The following PCDH15 variants were observed in gnomAD, a reference collection of about 807,000 sequenced individuals.
PCDH15 encodes the protein protocadherin-15.
A neutral mutation model predicts 178.5 loss-of-function variants in PCDH15; 129 were observed. The ratio of observed to expected loss-of-function variants is 0.72; its 90% CI spans 0.63 to 0.84. PCDH15 has a LOEUF of 0.84. Ranked by LOEUF, PCDH15 falls within the 40% of genes least tolerant of loss-of-function variation. The pLI is 0.00. For synonymous variants in PCDH15, 800 were observed against 732.0 expected (o/e 1.09, Z -1.50); for missense variants, 2,230 against 2,099.9 (o/e 1.06, Z -1.21).
At chr10:55,019,438 A>T (rs1922152) in intron 2 of PCDH15, among the ~76,000 whole-genome samples, 86,472 of 151,904 alleles carry the variant, frequency 0.57, 24,952 homozygotes, top group East Asian at 0.75. Context: ...AAATGAGACA[A>T]GGACTACCCC....
intron 10 of PCDH15, among the ~76,000 whole-genome samples, chr10:54,201,620 G>A (rs2050236818): frequency 1.3e-5 from 2 of 151,990 alleles, no homozygotes; most frequent in South Asian, 2.1e-4. Context: ...ATGGAAGAAG[G>A]TCAAATATAT....
At chr10:54,808,053 C>T (rs113725926) in intron 3 of PCDH15, among the ~76,000 whole-genome samples, 88 of 151,734 alleles carry the variant, frequency 5.8e-4, no homozygotes, top group African/African-American at 2.1e-3. Context: ...CTTCTTATAC[C>T]AGACACAACA....
At chr10:54,450,035 G>A (rs955050461) in intron 3 of PCDH15, among the ~76,000 whole-genome samples, 1 of 151,320 alleles carries the variant, frequency 6.6e-6, no homozygotes, top group Non-Finnish European at 1.5e-5. Context: ...CAAATAGCGA[G>A]ATGTGGTGAT....
intron 2 of PCDH15, among the ~76,000 whole-genome samples, chr10:54,914,814 G>A (rs559566940): frequency 1.1e-4 from 16 of 152,262 alleles, no homozygotes; most frequent in African/African-American, 3.8e-4. Flanking sequence ...AGTGGTGTGT[G>A]GCTACAAAGA....
intron 21 of PCDH15, among the ~76,000 whole-genome samples, chr10:53,980,814 C>T (rs369695105): frequency 6.6e-5 from 10 of 152,236 alleles, no homozygotes; most frequent in Non-Finnish European, 7.4e-5. Context: ...CCAAACCTAA[C>T]GGCACTCAGG....
intron 21 of PCDH15, among the ~76,000 whole-genome samples, chr10:53,994,108 T>C (rs2091696059): frequency 6.6e-6 from 1 of 152,186 alleles, no homozygotes; most frequent in Non-Finnish European, 1.5e-5. Flanking sequence ...TTTATCTTCT[T>C]TATAGAACAG....
chr10:53,912,981 C>T (rs2083229403), intron 25 of PCDH15, among the ~76,000 whole-genome samples: 1 of 152,062 alleles, frequency 6.6e-6, no homozygotes, highest in Admixed American at 6.6e-5. Flanking sequence ...CCCACATATC[C>T]CAGACAATCC....
intron 25 of PCDH15, among the ~76,000 whole-genome samples, chr10:53,923,093 AC>A (rs2084148180): frequency 6.6e-6 from 1 of 152,112 alleles, no homozygotes; most frequent in Non-Finnish European, 1.5e-5. Flanking sequence ...TCTCAAAAAA[AC>A]AAAACAAAAC....
intron 2 of PCDH15, among the ~76,000 whole-genome samples, chr10:55,041,993 T>C (rs1433499896): frequency 2.6e-5 from 4 of 152,104 alleles, no homozygotes; most frequent in East Asian, 1.9e-4. Context: ...CACAGTGTAT[T>C]ACTATTCATG....
chr10:54,525,504 T>G (rs1297233364), intron 3 of PCDH15, among the ~76,000 whole-genome samples: 1 of 152,206 alleles, frequency 6.6e-6, no homozygotes, highest in Admixed American at 6.5e-5. Flanking sequence ...CATGCTTCAG[T>G]GCAGTGGAAT....
At chr10:55,308,626 ATATACT>A (rs1843493216) in intron 1 of PCDH15, among the ~76,000 whole-genome samples, 3 of 151,698 alleles carry the variant, frequency 2.0e-5, no homozygotes. Context: ...AGAACTTCAA[ATATACT>A]TATATCTTAG....
chr10:54,598,083 A>T (rs2092329550), intron 2 of PCDH15, among the ~76,000 whole-genome samples: 1 of 152,102 alleles, frequency 6.6e-6, no homozygotes, highest in Admixed American at 6.6e-5. Context: ...ATTCCTACTG[A>T]AACGGTTCCC....
chr10:54,852,643 G>C (rs1226599905), intron 3 of PCDH15, among the ~76,000 whole-genome samples: 1 of 151,788 alleles, frequency 6.6e-6, no homozygotes. Context: ...ATGAGGTCAG[G>C]AGTTCAAGAC....
chr10:54,146,907 G>GTGTATATATATAGTGTATATATATATAA (rs1564530121), intron 14 of PCDH15, among the ~76,000 whole-genome samples: 313 of 62,552 alleles, frequency 5.0e-3, no homozygotes, highest in African/African-American at 0.013. Context: ...TATATATATA[G>GTGTATATATATAGTGTATATATATATAA]TGTATATATA....
chr10:54,351,588 C>T (rs1369594909), intron 5 of PCDH15, among the ~76,000 whole-genome samples: 2 of 152,138 alleles, frequency 1.3e-5, no homozygotes, highest in Non-Finnish European at 2.9e-5. Context: ...AAATCCTCTA[C>T]AAGGCCTCTA....
At chr10:54,686,351 C>T (rs919853322) in intron 1 of PCDH15, among the ~76,000 whole-genome samples, 2 of 151,890 alleles carry the variant, frequency 1.3e-5, no homozygotes, top group Non-Finnish European at 2.9e-5. Flanking sequence ...CTATGTTTTG[C>T]TTTAGATCCT....
chr10:55,527,401 T>A (rs200542004), intron 2 of PCDH15, among the ~76,000 whole-genome samples: 2 of 152,026 alleles, frequency 1.3e-5, no homozygotes. Flanking sequence ...TATAGCATTC[T>A]TCCTATGGAG....
intron 9 of PCDH15, among the ~76,000 whole-genome samples, chr10:54,224,259 C>T (rs1452172372): frequency 1.3e-5 from 2 of 152,058 alleles, no homozygotes; most frequent in Admixed American, 1.3e-4. Flanking sequence ...AGAACAAAAA[C>T]AATTATAACA....
Position 54,383,880 on chromosome 10 carries a change from G to A in PCDH15, c.158-4938C>T, listed in dbSNP as rs189354374. 2.3e-3 allele frequency among the ~76,000 whole-genome samples: 351 copies of A among 151,844 alleles called. 2 individuals carry two copies. Among genetic ancestry groups the A allele is most frequent in the Middle Eastern group, 6.8e-3 (2 of 294 alleles). ...GTTGCCCAGGCTGGAGTGCAGTGGC[G>A]CAATCTCGGCTCACTGCAACCTCTG... is the stretch of plus-strand genomic sequence containing the variant. On this transcript the variant is annotated intron_variant, in intron 3 of 37. Coordinates refer to ENST00000644397, the MANE Select transcript of PCDH15 (RefSeq NM_001384140.1).
Sources: allele counts gnomAD v4.1 joint callset (sites outside exome capture counted in the v4.1 genomes callset), GRCh38; gene constraint gnomAD v4.1.1; transcripts MANE v1.5; gene names NCBI Gene and HGNC (gene_info 2026-07-23, HGNC 2026-07-21).